Variants in NEK11 observed in about 807,000 individuals in gnomAD.
NEK11 encodes the protein NIMA related kinase 11.
Under a neutral mutation model 80.7 loss-of-function variants are expected in NEK11, and 72 were observed. The observed-to-expected ratio is 0.89, with a 90% CI of 0.74 to 1.08. The LOEUF is 1.08. Among genes scored for constraint, NEK11 ranks in the 50% least tolerant of loss-of-function variants. NEK11 has a pLI of 0.00. For missense variants in NEK11, 764 were observed against 763.6 expected (o/e 1.00, Z -0.01); for synonymous variants, 251 against 260.7 (o/e 0.96, Z 0.36).
At chr3:131,191,855 A>G (rs1343161780) in intron 14 of NEK11, among the ~76,000 whole-genome samples, 5 of 152,178 alleles carry the variant, frequency 3.3e-5, no homozygotes, top group African/African-American at 4.8e-5. Context: ...ATAAAAACAC[A>G]TAGAAGAAAG....
intron 3 of NEK11, among the ~76,000 whole-genome samples, chr3:131,057,661 T>A (rs1341097878): frequency 6.6e-6 from 1 of 152,180 alleles, no homozygotes; most frequent in Non-Finnish European, 1.5e-5. Context: ...TTTTTTCATG[T>A]GTTTTTTGGC....
chr3:131,045,098 C>T (rs1409690725), intron 3 of NEK11, among the ~76,000 whole-genome samples: 1 of 152,174 alleles, frequency 6.6e-6, no homozygotes, highest in Non-Finnish European at 1.5e-5. Context: ...ATACCAGAAT[C>T]TCTGGGACAC....
chr3:131,147,857 C>G (rs1034444513), intron 7 of NEK11, among the ~76,000 whole-genome samples: 1 of 151,798 alleles, frequency 6.6e-6, no homozygotes, highest in African/African-American at 2.4e-5. Context: ...CTTTTTCTGG[C>G]ATTATTGCTT....
intron 17 of NEK11, among the ~76,000 whole-genome samples, chr3:131,304,073 C>CTA (rs2096695313): frequency 6.6e-6 from 1 of 152,164 alleles, no homozygotes; most frequent in African/African-American, 2.4e-5. Flanking sequence ...GATTTGGTCT[C>CTA]TTTACATAAT....
chr3:131,251,080 G>T (rs1158029562), intron 16 of NEK11, among the ~76,000 whole-genome samples: 3 of 147,774 alleles, frequency 2.0e-5, no homozygotes, highest in Non-Finnish European at 4.5e-5. Flanking sequence ...AGAGAGGAAA[G>T]AAAGAACAAA....
At chr3:131,233,036 G>A (rs957076983) in intron 15 of NEK11, among the ~76,000 whole-genome samples, 2 of 147,712 alleles carry the variant, frequency 1.4e-5, no homozygotes, top group Admixed American at 6.8e-5. Context: ...AAGGAAGGAA[G>A]GTTGGATGAG....
Position 131,228,602 on chromosome 3 carries a change from G to C in NEK11, c.1474G>C (p.Glu492Gln). 1.9e-6 allele frequency: 3 copies of C among 1,613,458 alleles called. No individual in the cohort carries two copies. The highest frequency in any genetic ancestry group is 1.1e-5 in the South Asian group (1 of 91,040). Residue 492 changes from glutamate to glutamine, a missense_variant, in exon 15 of 18, where the codon GAG becomes CAG. Transcript: ENST00000383366. ...AFDSYCEESD[E>Q]EEEEIALERP... is the part of the protein sequence containing the mutation. ...TGATTCCTATTGTGAAGAGAGTGAT[G>C]AGGAGGAAGAAGAAATAGCGTTAGA... is the stretch of plus-strand genomic sequence containing the variant.
rs1468154332 is a variant in NEK11 at position 131,350,343 on chromosome 3, C to T, written c.*567C>T. 1 of 152,098 alleles carries T rather than the reference C, an allele frequency of 6.6e-6. No individual in the cohort carries two copies. The highest frequency in any genetic ancestry group is 2.1e-4 in the South Asian group (1 of 4,830). The allele number at this position is 152,098 out of a possible 1,614,324, so 9.4% of individuals were successfully genotyped here. A position where few individuals can be genotyped will look rare whatever the true frequency, so the allele number is the denominator to read the frequency against. ...ACACACAAGGACCTGGATTAAAAAT[C>T]CAAAAAGTGATTCTCTTCTATGATT... On this transcript the variant is annotated 3_prime_UTR_variant, in exon 18 of 18. Coordinates refer to ENST00000383366, the MANE Select transcript of NEK11 (RefSeq NM_024800.5).
At position 131,087,401 on chromosome 3, in the gene NEK11, G is replaced by A. The variant is rs187347617; in HGVS notation, c.336+6813G>A. Among the ~76,000 whole-genome samples, 8 of 151,798 alleles carry A rather than the reference G, an allele frequency of 5.3e-5. No homozygotes were observed. The South Asian group carries it at 8.3e-4, about 16-fold the overall frequency. ...TGTGACTACTGGCGCGTGCCACCAC[G>A]CCCAGCTAATTTTTGTATTTTTAGT... On this transcript the variant is annotated intron_variant, in intron 4 of 17. Coordinates refer to ENST00000383366, the MANE Select transcript of NEK11 (RefSeq NM_024800.5).
intron 17 of NEK11, among the ~76,000 whole-genome samples, chr3:131,337,911 T>C (rs2097214699): frequency 6.6e-6 from 1 of 152,212 alleles, no homozygotes; most frequent in Non-Finnish European, 1.5e-5. Flanking sequence ...AAATAACACA[T>C]TAAAAAATAG....
At chr3:131,307,073 G>T (rs187176010) in intron 17 of NEK11, among the ~76,000 whole-genome samples, 8 of 152,166 alleles carry the variant, frequency 5.3e-5, no homozygotes, top group Non-Finnish European at 8.8e-5. Flanking sequence ...ACTCTGTTCA[G>T]CCTTTTACTT....
intron 17 of NEK11, among the ~76,000 whole-genome samples, chr3:131,284,353 G>A (rs1214865534): frequency 6.6e-6 from 1 of 152,164 alleles, no homozygotes; most frequent in Non-Finnish European, 1.5e-5. Flanking sequence ...CCCTATGGTA[G>A]CTCAAAGCCT....
At chr3:131,212,307 A>G (rs1042725056) in intron 14 of NEK11, among the ~76,000 whole-genome samples, 5 of 152,182 alleles carry the variant, frequency 3.3e-5, no homozygotes, top group Non-Finnish European at 7.4e-5. Flanking sequence ...GCTGCAGAAC[A>G]GCAAATATTG....
chr3:131,248,306 G>A (rs560045134), intron 16 of NEK11, among the ~76,000 whole-genome samples: 1 of 152,130 alleles, frequency 6.6e-6, no homozygotes, highest in South Asian at 2.1e-4. Context: ...ATGATAGAAT[G>A]CTGACTTTTT....
At chr3:131,195,823 A>AG (rs2093987572) in intron 14 of NEK11, among the ~76,000 whole-genome samples, 1 of 103,512 alleles carries the variant, frequency 9.7e-6, no homozygotes, top group African/African-American at 5.9e-5. Context: ...TATATATAAA[A>AG]TTGAAGAAAT....
intron 17 of NEK11, among the ~76,000 whole-genome samples, chr3:131,342,386 T>C (rs913532850): frequency 1.6e-4 from 25 of 152,244 alleles, no homozygotes; most frequent in African/African-American, 6.0e-4. Context: ...GACTCACACA[T>C]ATTTGATGTG....
chr3:131,285,589 C>A (rs2096460823), intron 17 of NEK11, among the ~76,000 whole-genome samples: 1 of 152,208 alleles, frequency 6.6e-6, no homozygotes, highest in Non-Finnish European at 1.5e-5. Context: ...TCTTCATCCC[C>A]AGCTCCATTT....
intron 7 of NEK11, among the ~76,000 whole-genome samples, chr3:131,143,656 T>C (rs572126153): frequency 3.3e-5 from 5 of 152,086 alleles, no homozygotes; most frequent in African/African-American, 1.2e-4. Flanking sequence ...ATGTTAAAGT[T>C]TGGGAAACAC....
chr3:131,327,911 CTTGT>C (rs1403702551), intron 17 of NEK11, among the ~76,000 whole-genome samples: 1 of 151,702 alleles, frequency 6.6e-6, no homozygotes, highest in Non-Finnish European at 1.5e-5. Flanking sequence ...TATTTGTTTA[CTTGT>C]TTAATATGAG....
Sources: gnomAD v4.1 joint callset for allele counts (sites outside exome capture counted in the v4.1 genomes callset) on GRCh38, gnomAD v4.1.1 for gene constraint, MANE v1.5 for transcripts, NCBI Gene and HGNC (gene_info 2026-07-23, HGNC 2026-07-21) for gene names.